Variants in DNAH3 observed in about 807,000 individuals in gnomAD.
DNAH3 encodes the protein dynein axonemal heavy chain 3.
Under a neutral mutation model 432.5 loss-of-function variants are expected in DNAH3, and 332 were observed. The ratio of observed to expected loss-of-function variants is 0.77; its 90% CI spans 0.70 to 0.84. DNAH3 has a LOEUF of 0.84. DNAH3 is among the 40% of genes least tolerant of loss of function. DNAH3 has a pLI of 0.00. For synonymous variants in DNAH3, 1,956 were observed against 1,900.2 expected (o/e 1.03, Z -0.76); for missense variants, 4,861 against 5,114.0 (o/e 0.95, Z 1.51).
At chr16:21,047,235 T>C (rs937538769) in intron 31 of DNAH3, among the ~76,000 whole-genome samples, 62 of 147,946 alleles carry the variant, frequency 4.2e-4, no homozygotes, top group Non-Finnish European at 8.5e-4. Context: ...CTTGCTAGAT[T>C]GGGGAAGTTC....
rs531857535 is a variant in DNAH3, at chr16:21,127,942, A to G, written c.1083-130T>C. 8.0e-6 allele frequency: 9 copies of G among 1,124,916 alleles called. No homozygotes were observed. The East Asian group carries it at 2.2e-4, about 28-fold the overall frequency. 69.7% of individuals were successfully genotyped at this position (1,124,916 alleles called of 1,614,324 possible). On this transcript the variant is annotated intron_variant, in intron 7 of 61. Transcript: ENST00000261383. ...AGCAGAATCAAATGAATTACAGGAT[A>G]TGGGAAAGATGCTGAGGAGGATATG... is the stretch of plus-strand genomic sequence containing the variant.
intron 44 of DNAH3, among the ~76,000 whole-genome samples, chr16:20,995,142 C>T (rs12923115): frequency 0.28 from 42,079 of 151,958 alleles, 6,418 homozygotes; most frequent in South Asian, 0.45. Context: ...GATGGTGTTT[C>T]GCCAAGTTGC....
intron 38 of DNAH3, among the ~76,000 whole-genome samples, chr16:21,025,874 C>T (rs1307038386): frequency 7.9e-5 from 12 of 151,972 alleles, no homozygotes; most frequent in Admixed American, 5.9e-4. Context: ...GCTGGGATTA[C>T]GGGCACCCAC....
rs767160486 is a variant in DNAH3 at position 20,944,483 on chromosome 16, C to T, written c.11511+13G>A. The T allele has an allele frequency of 3.0e-5, 49 of 1,613,668 alleles. 1 individual carries two copies. The highest frequency in any genetic ancestry group is 1.9e-4 in the South Asian group (17 of 91,064). On this transcript the variant is annotated intron_variant, in intron 58 of 61. Transcript: ENST00000261383. ...GGAAATAGGATTAAGCCCCCTTTCC[C>T]GAGCCCAGTTACCTGAGGGGACTTG...
intron 47 of DNAH3, 76 bp downstream of exon 47, chr16:20,987,229 A>G: frequency 2.6e-6 from 4 of 1,563,034 alleles, no homozygotes; most frequent in African/African-American, 1.4e-5. Context: ...CAGGAAGGGA[A>G]CCTGAAATCT....
intron 16 of DNAH3, among the ~76,000 whole-genome samples, chr16:21,102,026 T>G (rs2152796727): frequency 6.6e-6 from 1 of 152,330 alleles, no homozygotes; most frequent in South Asian, 2.1e-4. Flanking sequence ...CAAGATTGTT[T>G]TCTCATGAGA....
intron 20 of DNAH3, among the ~76,000 whole-genome samples, chr16:21,077,103 T>A (rs1010972208): frequency 6.6e-6 from 1 of 152,186 alleles, no homozygotes; most frequent in Non-Finnish European, 1.5e-5. Context: ...GTAAGGTCAC[T>A]AAAATAAGAC....
chr16:21,087,834 G>T (rs1269821510), intron 18 of DNAH3, among the ~76,000 whole-genome samples: 2 of 152,260 alleles, frequency 1.3e-5, no homozygotes, highest in African/African-American at 2.4e-5. Flanking sequence ...GGAGGTGGAG[G>T]TTGCAGTGAG....
At chr16:21,009,563 A>G (rs1164410417) in intron 41 of DNAH3, among the ~76,000 whole-genome samples, 1 of 152,134 alleles carries the variant, frequency 6.6e-6, no homozygotes, top group Non-Finnish European at 1.5e-5. Context: ...TTGTGGCTTG[A>G]TTTGGGAACA....
In DNAH3 at chr16:21,075,435, A is replaced by G. The variant is rs2090939622; in HGVS notation, c.3084+12T>C. 2 of 1,582,416 alleles carry G rather than the reference A, an allele frequency of 1.3e-6. No homozygotes were observed. Among genetic ancestry groups the G allele is most frequent in the African/African-American group, 2.7e-5 (2 of 74,288 alleles). ...TGCTTTCAAAAGGGGCTGCGGTTGC[A>G]GTGAGACTCACAGTGTCCCTGTATT... On this transcript the variant is annotated intron_variant, in intron 21 of 61. Coordinates refer to ENST00000261383, the Ensembl canonical transcript of DNAH3.
rs370175067 is a variant in DNAH3 at position 21,042,226 on chromosome 16, A to G, written c.4462-23T>C. On this transcript the variant is annotated intron_variant, in intron 31 of 61. Coordinates refer to ENST00000261383, the Ensembl canonical transcript of DNAH3. ...TACCTGGGGTGAGAATGCCCGGCTG[A>G]TAAGAGCATCTGCTTCTGTCTGACA... 1.1e-5 allele frequency: 18 copies of G among 1,568,430 alleles called. No homozygotes were observed. In the African/African-American group the frequency reaches 1.8e-4, roughly 15 times the overall value.
At chr16:21,051,239 T>G (rs2089942721) in intron 29 of DNAH3, among the ~76,000 whole-genome samples, 1 of 152,132 alleles carries the variant, frequency 6.6e-6, no homozygotes, top group Admixed American at 6.5e-5. Context: ...CCACAGAAAA[T>G]GTCAGAGGAC....
intron 41 of DNAH3, among the ~76,000 whole-genome samples, chr16:21,009,102 T>C (rs1259076937): frequency 2.0e-5 from 3 of 152,210 alleles, no homozygotes; most frequent in Admixed American, 2.0e-4. Context: ...AAGGAAATAA[T>C]TCACAATGAA....
exon 53 of DNAH3, chr16:20,964,042 G>A: frequency 6.2e-7 from 1 of 1,614,168 alleles, no homozygotes; most frequent in African/African-American, 1.3e-5. Context: ...TTCTGTCATG[G>A]AAGCAACTTT....
chr16:21,091,048 G>A (rs1406185391), intron 18 of DNAH3, among the ~76,000 whole-genome samples: 1 of 152,054 alleles, frequency 6.6e-6, no homozygotes, highest in Non-Finnish European at 1.5e-5. Context: ...AGCTACTCAG[G>A]AGGTTGAGGT....
At chr16:21,023,036 C>G (rs947216098) in intron 39 of DNAH3, among the ~76,000 whole-genome samples, 1 of 152,214 alleles carries the variant, frequency 6.6e-6, no homozygotes, top group Non-Finnish European at 1.5e-5. Flanking sequence ...GCGTGAGCCA[C>G]CACGCTCAGC....
chr16:20,980,170 A>ATAT (rs1555516901), intron 49 of DNAH3, among the ~76,000 whole-genome samples: 6 of 133,642 alleles, frequency 4.5e-5, no homozygotes, highest in African/African-American at 1.8e-4. Flanking sequence ...TAGAAAAAAA[A>ATAT]ATATATATAT....
At chr16:20,956,990 TG>T (rs1204309443) in intron 54 of DNAH3, among the ~76,000 whole-genome samples, 1 of 152,232 alleles carries the variant, frequency 6.6e-6, no homozygotes, top group East Asian at 1.9e-4. Context: ...CCCAAAGTGC[TG>T]GGATTACAGG....
intron 17 of DNAH3, 87 bp downstream of exon 17, chr16:21,098,529 G>T: frequency 7.5e-7 from 1 of 1,333,294 alleles, no homozygotes. Flanking sequence ...CCTAGTAGAT[G>T]CTATTAGGAA....
Sources: allele counts gnomAD v4.1 joint callset (sites outside exome capture counted in the v4.1 genomes callset), GRCh38; gene constraint gnomAD v4.1.1; transcripts MANE v1.5; gene names NCBI Gene and HGNC (gene_info 2026-07-23, HGNC 2026-07-21).